The following DERA variants were observed in gnomAD, a reference collection of about 807,000 sequenced individuals.
The protein encoded by DERA is 2-deoxy-D-ribose 5-phosphate aldolase.
Under a neutral mutation model 41.1 loss-of-function variants are expected in DERA, and 15 were observed. The ratio of observed to expected loss-of-function variants is 0.37; its 90% CI spans 0.24 to 0.56. The LOEUF (loss-of-function observed/expected upper bound fraction) is 0.56, where lower values mean the gene tolerates loss of function less well. DERA is among the 20% of genes least tolerant of loss of function. DERA has a pLI of 0.81. For missense variants in DERA, 396 were observed against 403.4 expected, an observed-to-expected ratio of 0.98 and a Z score of 0.16; for synonymous variants, 139 against 137.4, an observed-to-expected ratio of 1.01 and a Z score of -0.08.
In DERA at chr12:16,021,475, C is replaced by G. The variant is rs1419183993; in HGVS notation, c.638-11067C>G. Among the ~76,000 whole-genome samples the G allele has an allele frequency of 6.6e-6, 1 of 152,250 alleles. No homozygotes were observed. The stretch of plus-strand genomic sequence containing the variant: ...GACTGGGTACCCAGGCAGGGATTCT[C>G]TACTAAGGCAGTGCTGAAGGGAAAT... On this transcript the variant is annotated intron_variant, in intron 6 of 8. Coordinates refer to ENST00000428559, the MANE Select transcript of DERA (RefSeq NM_015954.4). The surrounding 1 kb of genome is among the most constrained non-coding windows in gnomAD (Gnocchi z 5.3).
intron 1 of DERA, among the ~76,000 whole-genome samples, chr12:15,929,599 G>A (rs1477728693): frequency 1.3e-5 from 2 of 152,114 alleles, no homozygotes; most frequent in Admixed American, 6.5e-5. Flanking sequence ...GTGTGTCTGT[G>A]TGTGCATGTT....
chr12:15,948,966 C>G (rs1948473640), intron 1 of DERA, among the ~76,000 whole-genome samples: 1 of 152,190 alleles, frequency 6.6e-6, no homozygotes, highest in African/African-American at 2.4e-5. Flanking sequence ...GAGGTCCACT[C>G]CAGACCCTGT....
At position 15,920,129 on chromosome 12, in the gene DERA, T is replaced by C. The variant is rs535518995; in HGVS notation, c.31+8715T>C. ...TGAAGGTATAGATAGAGACTCCTTA[T>C]CTGTGATGTAGAGATTCTTGAATAA... On this transcript the variant is annotated intron_variant, in intron 1 of 8. Transcript: ENST00000428559. Among the ~76,000 whole-genome samples the C allele has an allele frequency of 2.0e-5, 3 of 152,316 alleles. No homozygotes were observed. The East Asian group carries it at 5.8e-4, about 29-fold the overall frequency.
At chr12:16,033,581 T>TTGTGTGTGTG (rs146182174) in intron 7 of DERA, among the ~76,000 whole-genome samples, 2,840 of 127,634 alleles carry the variant, frequency 0.022, 44 homozygotes, top group African/African-American at 0.035. Context: ...GAGAGCAAGG[T>TTGTGTGTGTG]TGTGTGTGTG....
In DERA at chr12:16,001,716, G is replaced by T. The variant is rs971294211; in HGVS notation, c.637+19280G>T. Among the ~76,000 whole-genome samples, 1 of 152,190 alleles carries T rather than the reference G, an allele frequency of 6.6e-6. No individual in the cohort carries two copies. The highest frequency in any genetic ancestry group is 1.5e-5 in the Non-Finnish European group (1 of 68,038). ...GACAAGAATAAATGGTATCAGAGGA[G>T]AAATTTTCCCAGGAGGGCGAGGTCA... On this transcript the variant is annotated intron_variant, in intron 6 of 8. Transcript: ENST00000428559. This position sits in a 1 kb window ranked among gnomAD's most constrained non-coding sequence, Gnocchi z 4.1.
Position 15,976,647 on chromosome 12 carries a change from C to G in DERA, c.509-5661C>G, listed in dbSNP as rs770858015. Among the ~76,000 whole-genome samples, 4 of 152,172 alleles carry G rather than the reference C, an allele frequency of 2.6e-5. No individual in the cohort carries two copies. The highest frequency in any genetic ancestry group is 4.4e-5 in the Non-Finnish European group (3 of 68,026). ...AACAGCTTAAACTTTTAGAGTAAGT[C>G]AACGTTTACCATCATTTTACGTGTG... On this transcript the variant is annotated intron_variant, in intron 5 of 8. Transcript: ENST00000428559. This position sits in a 1 kb window ranked among gnomAD's most constrained non-coding sequence, Gnocchi z 4.1.
At position 15,941,879 on chromosome 12, in the gene DERA, G is replaced by A. The variant is rs1303753336; in HGVS notation, c.32-15057G>A. Among the ~76,000 whole-genome samples, 1 of 152,126 alleles carries A rather than the reference G, an allele frequency of 6.6e-6. No individual in the cohort carries two copies. Among genetic ancestry groups the A allele is most frequent in the African/African-American group, 2.4e-5 (1 of 41,426 alleles). ...CATATAATGACTTCTTTTCCTTTGGGAAGATACCTAATAGTGGGATTGCTG... is the reference window on the plus strand; with the variant it reads ...CATATAATGACTTCTTTTCCTTTGGAAAGATACCTAATAGTGGGATTGCTG... On this transcript the variant is annotated intron_variant, in intron 1 of 8. Coordinates refer to ENST00000428559, the MANE Select transcript of DERA (RefSeq NM_015954.4). This position sits in a 1 kb window ranked among gnomAD's most constrained non-coding sequence, Gnocchi z 4.5.
rs1948832852 is a variant in DERA at position 15,995,811 on chromosome 12, G to A, written c.637+13375G>A. ...TAATTAGGAGGAGGAAAATCCTTGG[G>A]GTTGTAATATTATGTTCAAATACTT... On this transcript the variant is annotated intron_variant, in intron 6 of 8. Transcript: ENST00000428559. The surrounding 1 kb of genome is among the most constrained non-coding windows in gnomAD (Gnocchi z 5.1). Among the ~76,000 whole-genome samples the A allele has an allele frequency of 6.6e-6, 1 of 152,148 alleles. No individual in the cohort carries two copies. The highest frequency in any genetic ancestry group is 2.4e-5 in the African/African-American group (1 of 41,422).
Position 15,998,334 on chromosome 12 carries a change from TAG to T in DERA, c.637+15902_637+15903del. On this transcript the variant is annotated intron_variant, in intron 6 of 8. Transcript: ENST00000428559. This position sits in a 1 kb window ranked among gnomAD's most constrained non-coding sequence, Gnocchi z 4.8. ...TCCTTTATTTATTTATTTATTTATTTAGAGACGGAGTCTAGCTGTGTCGCCCA... is the reference window on the plus strand; with the variant it reads ...TCCTTTATTTATTTATTTATTTATTTAGACGGAGTCTAGCTGTGTCGCCCA... Among the ~76,000 whole-genome samples the T allele has an allele frequency of 6.6e-6, 1 of 150,890 alleles. No homozygotes were observed.
rs1300333846 is a variant in DERA at position 15,999,094 on chromosome 12, T to G, written c.637+16658T>G. On this transcript the variant is annotated intron_variant, in intron 6 of 8. Transcript: ENST00000428559. This position sits in a 1 kb window ranked among gnomAD's most constrained non-coding sequence, Gnocchi z 5.3. ...TCGGGGAATGGGAGGAAATGAGGGATGGAGGGTTGGTGAGGGCTGGAGGGA... is the reference window on the plus strand; with the variant it reads ...TCGGGGAATGGGAGGAAATGAGGGAGGGAGGGTTGGTGAGGGCTGGAGGGA... 2.6e-5 allele frequency among the ~76,000 whole-genome samples: 4 copies of G among 151,926 alleles called. No homozygotes were observed. Among genetic ancestry groups the G allele is most frequent in the African/African-American group, 9.7e-5 (4 of 41,342 alleles).
rs1565588632 is a variant in DERA at position 15,936,892 on chromosome 12, T to TTGTCTTGTCTTGTCCC, written c.32-20044_32-20043insTGTCTTGTCTTGTCCC. ...TGTCTTGTCTTGTCTTGTCTTGTCCTGTCCTGTCCTGTCCTGTCCTGTCCT... is the reference window on the plus strand; with the variant it reads ...TGTCTTGTCTTGTCTTGTCTTGTCCTTGTCTTGTCTTGTCCCGTCCTGTCCTGTCCTGTCCTGTCCT... On this transcript the variant is annotated intron_variant, in intron 1 of 8. Coordinates refer to ENST00000428559, the MANE Select transcript of DERA (RefSeq NM_015954.4). This position sits in a 1 kb window ranked among gnomAD's most constrained non-coding sequence, Gnocchi z 4.6. Among the ~76,000 whole-genome samples, 25 of 126,668 alleles carry TTGTCTTGTCTTGTCCC rather than the reference T, an allele frequency of 2.0e-4. No homozygotes were observed. The highest frequency in any genetic ancestry group is 7.0e-4 in the South Asian group (3 of 4,286). 83.1% of individuals were successfully genotyped at this position (126,668 alleles called of 152,430 possible).
At chr12:15,991,300 G>A (rs1165530950) in intron 6 of DERA, among the ~76,000 whole-genome samples, 1 of 152,102 alleles carries the variant, frequency 6.6e-6, no homozygotes, top group African/African-American at 2.4e-5. Context: ...TTTTAATGGG[G>A]TTGTTTGCTT....
At chr12:15,962,779 C>T in intron 4 of DERA, 34 bp from the exon 5 acceptor site, 2 of 1,509,620 alleles carry the variant, frequency 1.3e-6, no homozygotes, top group Non-Finnish European at 8.9e-7. Context: ...TCCCTCCTTC[C>T]CTCTTTCTTC....
rs1948759739 is a variant in DERA, at chr12:15,985,704, TATA to T, written c.637+3271_637+3273del. Among the ~76,000 whole-genome samples the T allele has an allele frequency of 6.6e-6, 1 of 152,220 alleles. No homozygotes were observed. The highest frequency in any genetic ancestry group is 2.4e-5 in the African/African-American group (1 of 41,480). On this transcript the variant is annotated intron_variant, in intron 6 of 8. Coordinates refer to ENST00000428559, the MANE Select transcript of DERA (RefSeq NM_015954.4). This position sits in a 1 kb window ranked among gnomAD's most constrained non-coding sequence, Gnocchi z 4.2. ...TTTTATGGATATCCTATTGTTGCTTTATAATTTAAGATTTTGTTATCCTCAGAG... is the reference window on the plus strand; with the variant it reads ...TTTTATGGATATCCTATTGTTGCTTTATTTAAGATTTTGTTATCCTCAGAG...
intron 1 of DERA, among the ~76,000 whole-genome samples, chr12:15,939,970 G>A (rs1948397540): frequency 1.3e-5 from 2 of 152,182 alleles, no homozygotes; most frequent in Non-Finnish European, 2.9e-5. Context: ...ATGAAATTAT[G>A]AATTATGTGT....
In DERA at chr12:15,976,603, G is replaced by A. The variant is rs1021025760; in HGVS notation, c.509-5705G>A. 6.6e-6 allele frequency among the ~76,000 whole-genome samples: 1 copy of A among 152,140 alleles called. No individual in the cohort carries two copies. The highest frequency in any genetic ancestry group is 1.9e-4 in the East Asian group (1 of 5,202). ...AATCATCTTTCTAAATCAACAAGAG[G>A]CTCTTTCATCTTAATTATAACAGCT... On this transcript the variant is annotated intron_variant, in intron 5 of 8. Coordinates refer to ENST00000428559, the MANE Select transcript of DERA (RefSeq NM_015954.4). The surrounding 1 kb of genome is among the most constrained non-coding windows in gnomAD (Gnocchi z 4.1).
intron 6 of DERA, among the ~76,000 whole-genome samples, chr12:15,987,744 G>T (rs187551120): frequency 6.6e-6 from 1 of 152,082 alleles, no homozygotes; most frequent in Admixed American, 6.5e-5. Flanking sequence ...GATCTTTAGG[G>T]TGTCGCTTTG....
rs778070743 is a variant in DERA at position 15,962,947 on chromosome 12, G to A, written c.508G>A (p.Ala170Thr). ...CTTGGTGCTGACAGGCCAGTGGGAA[G>A]GTAGGTGCATGCTTTTACCTAAGAG... ...RSLVLTGQWE[A>T]LYDEIRQFRK... Residue 170 changes from alanine (A) to threonine (T), a missense_variant and splice_region_variant, in exon 5 of 9, where the codon GCC becomes ACC. Coordinates refer to ENST00000428559, the MANE Select transcript of DERA (RefSeq NM_015954.4). 12 of 1,605,510 alleles carry A rather than the reference G, an allele frequency of 7.5e-6. No homozygotes were observed. The highest frequency in any genetic ancestry group is 1.6e-4 in the Middle Eastern group (1 of 6,074).
rs1215538545 is a variant in DERA, at chr12:16,026,573, A to G, written c.638-5969A>G. ...ATAAAATATTTAATGTGACTTTTAC[A>G]TAAATTGTAAATATATTTACACATT... On this transcript the variant is annotated intron_variant, in intron 6 of 8. Transcript: ENST00000428559. This position sits in a 1 kb window ranked among gnomAD's most constrained non-coding sequence, Gnocchi z 4.4. Among the ~76,000 whole-genome samples the G allele has an allele frequency of 1.3e-5, 2 of 150,352 alleles. No homozygotes were observed. The highest frequency in any genetic ancestry group is 3.0e-5 in the Non-Finnish European group (2 of 67,552).
Sources: gnomAD v4.1 joint callset for allele counts (sites outside exome capture counted in the v4.1 genomes callset) on GRCh38, gnomAD v4.1.1 for gene constraint, Gnocchi (gnomAD v3.1) non-coding constraint, MANE v1.5 for transcripts, NCBI Gene and HGNC (gene_info 2026-07-23, HGNC 2026-07-21) for gene names.